The following OSBPL11 variants were observed in gnomAD, a reference collection of about 807,000 sequenced individuals.
OSBPL11 encodes the protein oxysterol-binding protein-related protein 11.
In OSBPL11, 33 loss-of-function variants were observed where a neutral mutation model predicts 84.4. The observed-to-expected ratio is 0.39, with a 90% CI of 0.30 to 0.52. The LOEUF is 0.52. Among genes scored for constraint, OSBPL11 ranks in the 20% least tolerant of loss-of-function variants. The probability of loss-of-function intolerance (pLI) is 0.72; values close to 1 mark genes in which losing one functional copy is unlikely to be tolerated. For synonymous variants in OSBPL11, 276 were observed against 310.2 expected (o/e 0.89, Z 1.16); for missense variants, 736 against 901.1 (o/e 0.82, Z 2.35).
intron 10 of OSBPL11, among the ~76,000 whole-genome samples, chr3:125,542,329 TTTCTTTC>T (rs1559835820): frequency 2.9e-5 from 4 of 138,120 alleles, no homozygotes; most frequent in Admixed American, 7.3e-5. Flanking sequence ...TGCTTTTTCT[TTTCTTTC>T]TTTTTTTTTT....
chr3:125,550,371 T>TCTCACA (rs1935882523), intron 9 of OSBPL11, among the ~76,000 whole-genome samples: 1 of 132,244 alleles, frequency 7.6e-6, no homozygotes, highest in Admixed American at 7.9e-5. Context: ...CTAGACCGTG[T>TCTCACA]CACACACACA....
At chr3:125,583,156 T>C (rs1230158077) in intron 1 of OSBPL11, among the ~76,000 whole-genome samples, 178 bp from the exon 2 acceptor site, 1 of 152,180 alleles carries the variant, frequency 6.6e-6, no homozygotes, top group Non-Finnish European at 1.5e-5. Context: ...TTCATATCTA[T>C]AGGACTTCAT....
At chr3:125,573,388 T>A (rs1456821224) in intron 5 of OSBPL11, among the ~76,000 whole-genome samples, 1 of 152,168 alleles carries the variant, frequency 6.6e-6, no homozygotes, top group Non-Finnish European at 1.5e-5. Flanking sequence ...CTTACTAGAA[T>A]GGTCATTTGA....
In OSBPL11 at chr3:125,576,180, C is replaced by T. The variant is rs1263601926; in HGVS notation, c.666+9G>A. 6.3e-7 allele frequency: 1 copy of T among 1,594,386 alleles called. No homozygotes were observed. The highest frequency in any genetic ancestry group is 8.5e-7 in the Non-Finnish European group (1 of 1,173,638). On this transcript the variant is annotated intron_variant, in intron 5 of 12. Coordinates refer to ENST00000296220, the MANE Select transcript of OSBPL11 (RefSeq NM_022776.5). Reference sequence around the variant, plus strand: ...TGTGCATTTTAACTTGACTTTAATTCATACTTACTTCTCTGACTTCCACAA... The same window carrying T: ...TGTGCATTTTAACTTGACTTTAATTTATACTTACTTCTCTGACTTCCACAA...
Position 125,592,979 on chromosome 3 carries a change from T to C in OSBPL11, c.164+1658A>G, listed in dbSNP as rs182339277. Among the ~76,000 whole-genome samples, 289 of 152,236 alleles carry C rather than the reference T, an allele frequency of 1.9e-3. 1 individual carries two copies. Among genetic ancestry groups the C allele is most frequent in the African/African-American group, 6.9e-3 (286 of 41,540 alleles). On this transcript the variant is annotated intron_variant, in intron 1 of 12. Coordinates refer to ENST00000296220, the MANE Select transcript of OSBPL11 (RefSeq NM_022776.5). The stretch of plus-strand genomic sequence containing the variant: ...TTTTTTTAGATGTGACACAAAACTA[T>C]AACAAGAGAAGAAAAAACTCATTAG...
chr3:125,552,256 T>C lies in OSBPL11; in HGVS notation c.1579A>G (p.Met527Val). 6.2e-7 allele frequency: 1 copy of C among 1,614,066 alleles called. No homozygotes were observed. Among genetic ancestry groups the C allele is most frequent in the African/African-American group, 1.3e-5 (1 of 75,024 alleles). Residue 527 changes from methionine to valine, a missense_variant, in exon 9 of 13, where the codon ATG becomes GTG. Coordinates refer to ENST00000296220, the MANE Select transcript of OSBPL11 (RefSeq NM_022776.5). ...GTCCAGACATGCGCATTTACACACATCTTCCTCTCTGTACATTCTGCATAA... is the reference window on the plus strand; with the variant it reads ...GTCCAGACATGCGCATTTACACACACCTTCCTCTCTGTACATTCTGCATAA... ...GFYAECTERK[M>V]CVNAHVWTKS... is the part of the protein sequence containing the mutation.
intron 10 of OSBPL11, among the ~76,000 whole-genome samples, chr3:125,540,657 T>C (rs1449795105): frequency 3.3e-5 from 5 of 152,210 alleles, no homozygotes; most frequent in African/African-American, 1.2e-4. Context: ...GGAATGATAT[T>C]CTAAGATAAT....
chr3:125,538,407 C>T, intron 11 of OSBPL11, 44 bp downstream of exon 11: 1 of 1,570,084 alleles, frequency 6.4e-7, no homozygotes, highest in Non-Finnish European at 8.7e-7. Context: ...GATTAAGATG[C>T]AGAGCATCTG....
chr3:125,563,843 C>A lies in OSBPL11; in HGVS notation c.869G>T (p.Gly290Val). The change falls in exon 7 of 13, where the codon GGA (glycine) becomes GTA (valine). Residue 290 changes from glycine (G) to valine (V), a missense_variant and splice_region_variant. Physicochemically the swap from Gly to Val is moderately radical, Grantham distance 109. Around this residue, in one of 3 missense-constraint regions of OSBPL11, gnomAD observed 579 missense variants for 717.6 expected, o/e 0.81. Coordinates refer to ENST00000296220, the MANE Select transcript of OSBPL11 (RefSeq NM_022776.5). ...TGGTTCTAACCACTCGATTGTCGTT[C>A]CTGATGGAGTAAGAGAAAACTTTCG... Reference protein sequence around the residue: ...ASHQKGSLPSGTTIEWLEPKI... With the variant: ...ASHQKGSLPSVTTIEWLEPKI... 1 of 1,612,598 alleles carries A rather than the reference C, an allele frequency of 6.2e-7. No individual in the cohort carries two copies. Among genetic ancestry groups the A allele is most frequent in the South Asian group, 1.1e-5 (1 of 90,802 alleles).
intron 1 of OSBPL11, among the ~76,000 whole-genome samples, chr3:125,591,512 G>A (rs1354460279): frequency 1.3e-5 from 2 of 152,248 alleles, no homozygotes; most frequent in East Asian, 3.9e-4. Flanking sequence ...GAGGTCTCTG[G>A]CCATCAGTTC....
At chr3:125,532,963 T>G (rs1386393438) in intron 11 of OSBPL11, among the ~76,000 whole-genome samples, 1 of 151,852 alleles carries the variant, frequency 6.6e-6, no homozygotes, top group African/African-American at 2.4e-5. Context: ...TTGTATGATT[T>G]ATATGAAATA....
At chr3:125,578,820 A>G (rs534052280) in intron 4 of OSBPL11, 140 bp downstream of exon 4, 1 of 436,210 alleles carries the variant, frequency 2.3e-6, no homozygotes, top group Admixed American at 4.4e-5. Context: ...GAATATACTA[A>G]AAACCACAGG....
At chr3:125,562,751 A>AC (rs532562129) in intron 7 of OSBPL11, among the ~76,000 whole-genome samples, 168 of 152,168 alleles carry the variant, frequency 1.1e-3, no homozygotes, top group African/African-American at 3.9e-3. Context: ...ACATGGAGAA[A>AC]CCCCTTCTCT....
At chr3:125,593,185 C>G (rs1936625913) in intron 1 of OSBPL11, among the ~76,000 whole-genome samples, 2 of 152,118 alleles carry the variant, frequency 1.3e-5, no homozygotes, top group African/African-American at 4.8e-5. Flanking sequence ...CAGGTCAGGA[C>G]GAAGCGCCAC....
chr3:125,559,514 A>G (rs1172311624), intron 8 of OSBPL11, among the ~76,000 whole-genome samples: 1 of 152,016 alleles, frequency 6.6e-6, no homozygotes, highest in African/African-American at 2.4e-5. Context: ...TCAGCTTCCC[A>G]AGTAGCTGGA....
chr3:125,568,414 G>C (rs1387351474), intron 5 of OSBPL11, among the ~76,000 whole-genome samples: 1 of 148,548 alleles, frequency 6.7e-6, no homozygotes, highest in Non-Finnish European at 1.5e-5. Context: ...CTGGGCGATA[G>C]AGTGAGACTA....
chr3:125,564,435 T>A (rs937837678), intron 6 of OSBPL11, among the ~76,000 whole-genome samples: 3 of 152,200 alleles, frequency 2.0e-5, no homozygotes, highest in Non-Finnish European at 4.4e-5. Flanking sequence ...AAGACAGTGG[T>A]CACATTTGGA....
chr3:125,594,921 G>A lies in OSBPL11; in HGVS notation c.-121C>T. On this transcript the variant is annotated 5_prime_UTR_variant, in exon 1 of 13. Coordinates refer to ENST00000296220, the MANE Select transcript of OSBPL11 (RefSeq NM_022776.5). Reference sequence around the variant, plus strand: ...GATACCGGTTGCTAAATCACACGGCGGCTGGGGCGGGACTGTCAAATGGTC... The same window carrying A: ...GATACCGGTTGCTAAATCACACGGCAGCTGGGGCGGGACTGTCAAATGGTC... 1.8e-6 allele frequency: 2 copies of A among 1,090,136 alleles called. No homozygotes were observed. Among genetic ancestry groups the A allele is most frequent in the Non-Finnish European group, 2.6e-6 (2 of 769,958 alleles). 67.5% of individuals were successfully genotyped at this position (1,090,136 alleles called of 1,614,324 possible).
At chr3:125,533,955 T>C (rs1935599592) in intron 11 of OSBPL11, among the ~76,000 whole-genome samples, 1 of 152,154 alleles carries the variant, frequency 6.6e-6, no homozygotes, top group African/African-American at 2.4e-5. Flanking sequence ...GCCTCCTGAG[T>C]AGCTGGCATT....
Sources: gnomAD v4.1 joint callset for allele counts (sites outside exome capture counted in the v4.1 genomes callset) on GRCh38, gnomAD v4.1.1 for gene constraint, gnomAD v4.1.1 regional missense constraint, MANE v1.5 for transcripts, NCBI Gene and HGNC (gene_info 2026-07-23, HGNC 2026-07-21) for gene names.